Variants in VAC14 observed in about 807,000 individuals in gnomAD.
The protein encoded by VAC14 is VAC14 component of PIKFYVE complex.
In VAC14, 47 loss-of-function variants were observed where a neutral mutation model predicts 85.3. The ratio of observed to expected loss-of-function variants is 0.55; its 90% CI spans 0.44 to 0.70. The LOEUF is 0.70. Ranked by LOEUF, VAC14 falls within the 30% of genes least tolerant of loss-of-function variation. The pLI is 0.00. For synonymous variants in VAC14, 447 were observed against 430.5 expected (o/e 1.04, Z -0.47); for missense variants, 861 against 1,004.3 (o/e 0.86, Z 1.93).
intron 14 of VAC14, among the ~76,000 whole-genome samples, chr16:70,702,562 G>A (rs984558408): frequency 6.6e-6 from 1 of 152,206 alleles, no homozygotes; most frequent in Non-Finnish European, 1.5e-5. Context: ...CCATCCTACT[G>A]CTGGGAAGGA....
rs1555523207 is a variant in VAC14, at chr16:70,761,016, T to TGTGC, written c.1371+1520_1371+1523dup. 9.0e-5 allele frequency: 27 copies of TGTGC among 300,884 alleles called. 2 individuals are homozygous for TGTGC. The highest frequency in any genetic ancestry group is 8.8e-4 in the African/African-American group (21 of 23,926). 18.6% of individuals were successfully genotyped at this position (300,884 alleles called of 1,614,324 possible). A position where few individuals can be genotyped will look rare whatever the true frequency, so the allele number is the denominator to read the frequency against. ...GTGTGTGTGTGTGTGTGTGTGTGTG[T>TGTGC]GTGCATGGGGGGGCGGGGGGTAGGC... On this transcript the variant is annotated intron_variant, in intron 12 of 18. Transcript: ENST00000261776.
chr16:70,751,305 G>A (rs752825731), intron 12 of VAC14, among the ~76,000 whole-genome samples: 18 of 152,344 alleles, frequency 1.2e-4, no homozygotes, highest in Admixed American at 3.9e-4. Flanking sequence ...TGTTTCCAAC[G>A]GACACACTTG....
intron 16 of VAC14, chr16:70,696,001 A>C (rs1398800139): frequency 5.6e-6 from 1 of 179,558 alleles, no homozygotes; most frequent in Non-Finnish European, 1.2e-5. Context: ...TCTGGGTGAC[A>C]GAAGTGGCTG....
At chr16:70,745,510 T>C (rs918854318) in intron 12 of VAC14, among the ~76,000 whole-genome samples, 1 of 146,384 alleles carries the variant, frequency 6.8e-6, no homozygotes, top group Non-Finnish European at 1.5e-5. Flanking sequence ...TGTGTGTGTG[T>C]GTGTGTGTGC....
In VAC14 at chr16:70,762,016, C is replaced by G. The variant is rs534415047; in HGVS notation, c.1371+524G>C. Among the ~76,000 whole-genome samples the G allele has an allele frequency of 6.6e-6, 1 of 152,306 alleles. No individual in the cohort carries two copies. Among genetic ancestry groups the G allele is most frequent in the South Asian group, 2.1e-4 (1 of 4,828 alleles). On this transcript the variant is annotated intron_variant, in intron 12 of 18. Coordinates refer to ENST00000261776, the MANE Select transcript of VAC14 (RefSeq NM_018052.5). This position sits in a 1 kb window ranked among gnomAD's most constrained non-coding sequence, Gnocchi z 4.1. ...GCCTCACTCCAAGCCAAGCTCCCCGCCTGTCCTGTGCTGCCTCCCTTACTG... is the reference window on the plus strand; with the variant it reads ...GCCTCACTCCAAGCCAAGCTCCCCGGCTGTCCTGTGCTGCCTCCCTTACTG...
At position 70,784,137 on chromosome 16, in the gene VAC14, A is replaced by G. The variant is rs1040130581; in HGVS notation, c.570T>C (p.Tyr190=). 1.2e-6 allele frequency: 2 copies of G among 1,614,254 alleles called. No homozygotes were observed. The highest frequency in any genetic ancestry group is 1.3e-5 in the African/African-American group (1 of 75,070). ...CCCAGGAGATGATGAACTGCCGGGC[A>G]TACTGGTTGTTGGAGTAAATCCTCT... ...LRERIYSNNQ[Y]ARQFIISWIL... The change falls in exon 5 of 19, where the codon TAT becomes TAC. Residue 190 remains tyrosine, a synonymous_variant. Coordinates refer to ENST00000261776, the MANE Select transcript of VAC14 (RefSeq NM_018052.5).
Position 70,780,800 on chromosome 16 carries a change from G to T in VAC14, c.1086C>A (p.Gly362=). 1.2e-6 allele frequency: 2 copies of T among 1,602,816 alleles called. No individual in the cohort carries two copies. The change falls in exon 9 of 19, where the codon GGC becomes GGA. Residue 362 remains glycine, a synonymous_variant. Coordinates refer to ENST00000261776, the MANE Select transcript of VAC14 (RefSeq NM_018052.5). ...ACGGAGTCCACTCACCACTGGCTGTGCCCTCCTGCTTTGGCAGGGCATCGT... is the reference window on the plus strand; with the variant it reads ...ACGGAGTCCACTCACCACTGGCTGTTCCCTCCTGCTTTGGCAGGGCATCGT... ...TPDDALPKQE[G]TASGGPDGSC...
chr16:70,780,018 A>AT (rs368861697), intron 9 of VAC14, among the ~76,000 whole-genome samples: 1,207 of 111,838 alleles, frequency 0.011, 12 homozygotes, highest in South Asian at 0.018. Flanking sequence ...AATTTTTGTA[A>AT]TTTTTTTTTT....
intron 14 of VAC14, chr16:70,715,644 A>AT (rs1483539739): frequency 6.6e-6 from 1 of 152,196 alleles, no homozygotes; most frequent in African/African-American, 2.4e-5. Flanking sequence ...CTGTGGCCTA[A>AT]TTTCCAGGGC....
At chr16:70,688,423 C>G in intron 18 of VAC14, 1 of 1,013,432 alleles carries the variant, frequency 9.9e-7, no homozygotes, top group Non-Finnish European at 1.2e-6. Flanking sequence ...CCAGGGCTAG[C>G]AGCCAGCCAG....
intron 15 of VAC14, 63 bp downstream of exon 15, chr16:70,698,574 A>G: frequency 1.9e-6 from 3 of 1,595,356 alleles, no homozygotes; most frequent in East Asian, 2.2e-5. Context: ...GGGCGGGCTC[A>G]CACAGGGTGT....
chr16:70,781,026 G>A (rs2033786912), intron 8 of VAC14, 87 bp from the exon 9 acceptor site: 1 of 1,553,852 alleles, frequency 6.4e-7, no homozygotes, highest in African/African-American at 1.4e-5. Context: ...CAGTGTTGGA[G>A]GTGGGGCCTG....
At chr16:70,760,962 G>GGGTGTGTGT (rs1402592187) in intron 12 of VAC14, among the ~76,000 whole-genome samples, 2 of 47,602 alleles carry the variant, frequency 4.2e-5, no homozygotes, top group African/African-American at 1.7e-4. Flanking sequence ...ACGAAGAGAG[G>GGGTGTGTGT]GTGTGTGTGT....
intron 12 of VAC14, among the ~76,000 whole-genome samples, chr16:70,759,058 G>A (rs189722189): frequency 2.4e-4 from 36 of 152,308 alleles, no homozygotes; most frequent in Admixed American, 1.7e-3. Flanking sequence ...CCACGCACCC[G>A]TGGGACTGAC....
At chr16:70,690,388 C>A in intron 18 of VAC14, 3 of 985,686 alleles carry the variant, frequency 3.0e-6, no homozygotes, top group Non-Finnish European at 3.6e-6. Context: ...CCCTCGGGCA[C>A]CGAGGCTGAG....
intron 14 of VAC14, among the ~76,000 whole-genome samples, chr16:70,722,653 G>A (rs2054323694): frequency 6.6e-6 from 1 of 152,146 alleles, no homozygotes; most frequent in South Asian, 2.1e-4. Context: ...CACACTCGGT[G>A]TTTAAATACG....
chr16:70,742,399 C>A (rs897619315), intron 13 of VAC14, among the ~76,000 whole-genome samples: 1 of 148,254 alleles, frequency 6.7e-6, no homozygotes, highest in Non-Finnish European at 1.5e-5. Context: ...CTTTGCTGGG[C>A]CCCCACACTC....
chr16:70,783,296 C>T, intron 6 of VAC14, 149 bp downstream of exon 6: 5 of 1,014,042 alleles, frequency 4.9e-6, no homozygotes, highest in Middle Eastern at 2.5e-4. Flanking sequence ...GGTTGATGGG[C>T]TCTTGGCTCC....
chr16:70,777,223 G>A (rs1348182746), intron 9 of VAC14, among the ~76,000 whole-genome samples: 2 of 152,132 alleles, frequency 1.3e-5, no homozygotes, highest in Admixed American at 6.6e-5. Context: ...GGGATTACAG[G>A]CATGAGTCAC....
Sources: gnomAD v4.1 joint callset for allele counts (sites outside exome capture counted in the v4.1 genomes callset) on GRCh38, gnomAD v4.1.1 for gene constraint, Gnocchi (gnomAD v3.1) non-coding constraint, MANE v1.5 for transcripts, NCBI Gene and HGNC (gene_info 2026-07-23, HGNC 2026-07-21) for gene names.